Variants in WEE1 observed in about 807,000 individuals in gnomAD.
WEE1 encodes wee1-like protein kinase.
Under a neutral mutation model 68.8 loss-of-function variants are expected in WEE1, and 16 were observed. The ratio of observed to expected loss-of-function variants is 0.23; its 90% CI spans 0.16 to 0.35. WEE1 has a LOEUF of 0.35. Ranked by LOEUF, WEE1 falls within the 10% of genes least tolerant of loss-of-function variation. The probability of loss-of-function intolerance (pLI) is 1.00; values close to 1 mark genes in which losing one functional copy is unlikely to be tolerated. For synonymous variants in WEE1, 349 were observed against 318.7 expected (o/e 1.09, Z -1.01); for missense variants, 651 against 824.1 (o/e 0.79, Z 2.57).
At chr11:9,578,960 G>A (rs1849594764) in intron 5 of WEE1, 1 of 151,156 alleles carries the variant, frequency 6.6e-6, no homozygotes, top group South Asian at 2.1e-4. Flanking sequence ...AGGCTGGAGT[G>A]CAGTGGCGCA....
intron 8 of WEE1, among the ~76,000 whole-genome samples, chr11:9,586,095 GTA>G (rs1565090877): frequency 6.6e-6 from 1 of 152,098 alleles, no homozygotes; most frequent in East Asian, 1.9e-4. Flanking sequence ...GCTTTATCAC[GTA>G]TATGTGTATT....
At chr11:9,580,393 A>G (rs1288402077) in intron 5 of WEE1, 1 of 152,070 alleles carries the variant, frequency 6.6e-6, no homozygotes, top group African/African-American at 2.4e-5. Flanking sequence ...ATGTAATAGC[A>G]AAGGCTTGGA....
intron 10 of WEE1, among the ~76,000 whole-genome samples, chr11:9,587,820 A>T (rs1849718368): frequency 6.6e-6 from 1 of 152,152 alleles, no homozygotes; most frequent in South Asian, 2.1e-4. Context: ...TAATATTTAA[A>T]TTATAAGAAT....
chr11:9,576,340 A>C lies in WEE1; in HGVS notation c.846+47A>C, dbSNP rs1452695546. The C allele has an allele frequency of 1.3e-6, 2 of 1,534,664 alleles. No individual in the cohort carries two copies. Among genetic ancestry groups the C allele is most frequent in the South Asian group, 1.2e-5 (1 of 81,912 alleles). On this transcript the variant is annotated intron_variant, in intron 3 of 10. Transcript: ENST00000450114. This position sits in a 1 kb window ranked among gnomAD's most constrained non-coding sequence, Gnocchi z 4.3. ...TTTTTTTGAAATTTACTTTTCTGCC[A>C]CTTAAAGCATGCTATGAATATGTTA...
rs1849740186 is a variant in WEE1, at chr11:9,589,611, G to T, written c.*1009G>T. On this transcript the variant is annotated 3_prime_UTR_variant, in exon 11 of 11. Coordinates refer to ENST00000450114, the MANE Select transcript of WEE1 (RefSeq NM_003390.4). The stretch of plus-strand genomic sequence containing the variant: ...ATATTTTATCTGTGATTAGCCATTT[G>T]ACTAATAATACTGGCTAACAGATGT... 9.1e-6 allele frequency: 9 copies of T among 985,466 alleles called. 1 individual carries two copies. Among genetic ancestry groups the T allele is most frequent in the Non-Finnish European group, 9.6e-6 (8 of 829,818 alleles). 61.0% of individuals were successfully genotyped at this position (985,466 alleles called of 1,614,324 possible). A position where few individuals can be genotyped will look rare whatever the true frequency, so the allele number is the denominator to read the frequency against.
At chr11:9,577,869 G>T (rs1198811191) in intron 5 of WEE1, 2 of 456,150 alleles carry the variant, frequency 4.4e-6, no homozygotes, top group Non-Finnish European at 8.8e-6. Context: ...ATTCAAGTTT[G>T]GATGTCTTGT....
At chr11:9,580,163 G>C (rs1726244787) in intron 5 of WEE1, 1 of 152,046 alleles carries the variant, frequency 6.6e-6, no homozygotes, top group South Asian at 2.1e-4. Context: ...TCAAGGGTAT[G>C]GGGAAACAGG....
rs1251759479 is a variant in WEE1, at chr11:9,588,718, T to G, written c.*116T>G. On this transcript the variant is annotated 3_prime_UTR_variant, in exon 11 of 11. Transcript: ENST00000450114. Reference sequence around the variant, plus strand: ...GATTGGTGTCAGTAGTTTTACTGATTAGGACTTTTATTGTGAATTACAGTT... The same window carrying G: ...GATTGGTGTCAGTAGTTTTACTGATGAGGACTTTTATTGTGAATTACAGTT... 8 of 1,381,518 alleles carry G rather than the reference T, an allele frequency of 5.8e-6. No homozygotes were observed. The highest frequency in any genetic ancestry group is 5.5e-5 in the South Asian group (3 of 54,628). The allele number at this position is 1,381,518 out of a possible 1,614,324, so 85.6% of individuals were successfully genotyped here. A position where few individuals can be genotyped will look rare whatever the true frequency, so the allele number is the denominator to read the frequency against.
chr11:9,574,362 C>T lies in WEE1; in HGVS notation c.429C>T (p.Cys143=). 8.1e-7 allele frequency: 1 copy of T among 1,239,944 alleles called. No individual in the cohort carries two copies. Among genetic ancestry groups the T allele is most frequent in the Non-Finnish European group, 1.0e-6 (1 of 993,102 alleles). 76.8% of individuals were successfully genotyped at this position (1,239,944 alleles called of 1,614,324 possible). The change falls in exon 1 of 11, where the codon TGC becomes TGT. Residue 143 remains cysteine, a synonymous_variant. Coordinates refer to ENST00000450114, the MANE Select transcript of WEE1 (RefSeq NM_003390.4). This position sits in a 1 kb window ranked among gnomAD's most constrained non-coding sequence, Gnocchi z 4.9. ...FLGSSFSPVR[C]GGPGDASPRG... is the part of the protein sequence containing the mutation. ...GTAGCTCTTTCTCGCCGGTGCGCTG[C>T]GGCGGCCCAGGAGATGCGTCGCCGC...
chr11:9,582,164 C>T (rs932836490), intron 6 of WEE1, among the ~76,000 whole-genome samples: 3 of 152,220 alleles, frequency 2.0e-5, no homozygotes, highest in Non-Finnish European at 4.4e-5. Flanking sequence ...AAAATTTCCC[C>T]AGTTGACTCA....
At chr11:9,582,398 A>G (rs1849638008) in intron 6 of WEE1, among the ~76,000 whole-genome samples, 1 of 152,132 alleles carries the variant, frequency 6.6e-6, no homozygotes, top group Admixed American at 6.5e-5. Context: ...AGTTATAACT[A>G]AGGATTATGG....
rs1208765533 is a variant in WEE1 at position 9,574,819 on chromosome 11, G to T, written c.576+310G>T. 2.0e-6 allele frequency: 2 copies of T among 998,366 alleles called. No individual in the cohort carries two copies. The highest frequency in any genetic ancestry group is 2.4e-6 in the Non-Finnish European group (2 of 838,556). 61.8% of individuals were successfully genotyped at this position (998,366 alleles called of 1,614,324 possible). On this transcript the variant is annotated intron_variant, in intron 1 of 10. Transcript: ENST00000450114. This position sits in a 1 kb window ranked among gnomAD's most constrained non-coding sequence, Gnocchi z 4.9. ...GCGTGTCAGCCCCGAGTGCGGCACCGATAACGCGGTTCGCGAGGATGCTGG... is the reference window on the plus strand; with the variant it reads ...GCGTGTCAGCCCCGAGTGCGGCACCTATAACGCGGTTCGCGAGGATGCTGG...
At chr11:9,586,030 A>G (rs1188267361) in intron 8 of WEE1, among the ~76,000 whole-genome samples, 1 of 152,234 alleles carries the variant, frequency 6.6e-6, no homozygotes, top group Non-Finnish European at 1.5e-5. Context: ...AGAAAAATAT[A>G]AAGTGTAATT....
In WEE1 at chr11:9,588,982, C is replaced by T. The variant is rs2134360853; in HGVS notation, c.*380C>T. On this transcript the variant is annotated 3_prime_UTR_variant, in exon 11 of 11. Coordinates refer to ENST00000450114, the MANE Select transcript of WEE1 (RefSeq NM_003390.4). ...TACCCTCCCTTTGAAAAGGGACATG[C>T]TAAAAGACTCATTACTACTCAGCCT... The T allele has an allele frequency of 1.0e-6, 1 of 987,170 alleles. No individual in the cohort carries two copies. The highest frequency in any genetic ancestry group is 1.7e-5 in the African/African-American group (1 of 57,362). The allele number at this position is 987,170 out of a possible 1,614,324, so 61.2% of individuals were successfully genotyped here. A position where few individuals can be genotyped will look rare whatever the true frequency, so the allele number is the denominator to read the frequency against.
chr11:9,573,868 G>T lies in WEE1; in HGVS notation c.-66G>T, dbSNP rs550786650. ...CCGCACGTGGCGGACCCGCCCCCAGGCCCGCAGTGTCCTGGACCCCGCAGG... is the reference window on the plus strand; with the variant it reads ...CCGCACGTGGCGGACCCGCCCCCAGTCCCGCAGTGTCCTGGACCCCGCAGG... On this transcript the variant is annotated 5_prime_UTR_variant, in exon 1 of 11. Coordinates refer to ENST00000450114, the MANE Select transcript of WEE1 (RefSeq NM_003390.4). The T allele has an allele frequency of 7.0e-4, 827 of 1,185,446 alleles. 1 individual carries two copies. The highest frequency in any genetic ancestry group is 8.2e-4 in the Non-Finnish European group (785 of 954,180). The allele number at this position is 1,185,446 out of a possible 1,614,324, so 73.4% of individuals were successfully genotyped here.
Position 9,589,205 on chromosome 11 carries a change from T to C in WEE1, c.*603T>C, listed in dbSNP as rs1410904198. ...TGTAGCATTAAACAATCATTGTTGT[T>C]AATAGGTCTTCTTTTTGAAACAATT... On this transcript the variant is annotated 3_prime_UTR_variant, in exon 11 of 11. Coordinates refer to ENST00000450114, the MANE Select transcript of WEE1 (RefSeq NM_003390.4). 3.0e-6 allele frequency: 3 copies of C among 985,696 alleles called. No homozygotes were observed. The African/African-American group carries it at 5.2e-5, about 17-fold the overall frequency. 61.1% of individuals were successfully genotyped at this position (985,696 alleles called of 1,614,324 possible).
chr11:9,577,454 G>A (rs1849576543), intron 5 of WEE1, 191 bp downstream of exon 5: 1 of 603,858 alleles, frequency 1.7e-6, no homozygotes, highest in Non-Finnish European at 2.8e-6. Flanking sequence ...ACATATCTCA[G>A]TAGTAGAACT....
rs1330538118 is a variant in WEE1, at chr11:9,583,607, T to C, written c.1289-1651T>C. Among the ~76,000 whole-genome samples the C allele has an allele frequency of 4.9e-5, 3 of 61,560 alleles. No individual in the cohort carries two copies. The East Asian group carries it at 9.7e-4, about 20-fold the overall frequency. 40.4% of individuals were successfully genotyped at this position (61,560 alleles called of 152,430 possible). A position where few individuals can be genotyped will look rare whatever the true frequency, so the allele number is the denominator to read the frequency against. On this transcript the variant is annotated intron_variant, in intron 6 of 10. Coordinates refer to ENST00000450114, the MANE Select transcript of WEE1 (RefSeq NM_003390.4). The stretch of plus-strand genomic sequence containing the variant: ...TCCAGCCTGGGCGACAGAGCGAGAC[T>C]GTCTCAAAAAAAAAAAAAAAAAACC...
intron 6 of WEE1, among the ~76,000 whole-genome samples, chr11:9,582,853 C>T (rs2134350426): frequency 6.6e-6 from 1 of 152,218 alleles, no homozygotes; most frequent in East Asian, 1.9e-4. Flanking sequence ...GCGTAAGCCA[C>T]CGTGCCCAGC....
Sources: gnomAD v4.1 joint callset for allele counts (sites outside exome capture counted in the v4.1 genomes callset) on GRCh38, gnomAD v4.1.1 for gene constraint, Gnocchi (gnomAD v3.1) non-coding constraint, MANE v1.5 for transcripts, NCBI Gene and HGNC (gene_info 2026-07-23, HGNC 2026-07-21) for gene names.